Variants in RNF41 observed in about 807,000 individuals in gnomAD.
RNF41 encodes E3 ubiquitin-protein ligase NRDP1.
A neutral mutation model predicts 33.0 loss-of-function variants in RNF41; 4 were observed. The ratio of observed to expected loss-of-function variants is 0.12; its 90% CI spans 0.06 to 0.28. RNF41 has a LOEUF of 0.28. Among genes scored for constraint, RNF41 ranks in the 10% least tolerant of loss-of-function variants. The pLI is 1.00. For missense variants in RNF41, 228 were observed against 432.6 expected (o/e 0.53, Z 4.19); for synonymous variants, 164 against 153.2 (o/e 1.07, Z -0.52).
chr12:56,217,353 C>T (rs548482269), intron 1 of RNF41, among the ~76,000 whole-genome samples: 2 of 152,170 alleles, frequency 1.3e-5, no homozygotes, highest in South Asian at 4.1e-4. Context: ...CGGAGATGAG[C>T]CTGGCCAACA....
Position 56,216,552 on chromosome 12 carries a change from T to C in RNF41, c.-147A>G, listed in dbSNP as rs1267211598. Reference sequence around the variant, plus strand: ...TGTTGGCTATTCTCCGACTGAGTATTCCTTCCCAGTGACAAGCTCCATCGC... The same window carrying C: ...TGTTGGCTATTCTCCGACTGAGTATCCCTTCCCAGTGACAAGCTCCATCGC... On this transcript the variant is annotated 5_prime_UTR_variant, in exon 2 of 7. Transcript: ENST00000345093. 2.0e-5 allele frequency: 3 copies of C among 152,254 alleles called. No homozygotes were observed. Among genetic ancestry groups the C allele is most frequent in the Non-Finnish European group, 4.4e-5 (3 of 68,072 alleles). 9.4% of individuals were successfully genotyped at this position (152,254 alleles called of 1,614,324 possible).
At chr12:56,215,717 CAAAA>C (rs58103466) in intron 2 of RNF41, among the ~76,000 whole-genome samples, 2 of 74,524 alleles carry the variant, frequency 2.7e-5, no homozygotes, top group Admixed American at 1.4e-4. Flanking sequence ...GACTCTGTCT[CAAAA>C]AAAAAAAAAA....
chr12:56,214,071 C>T lies in RNF41; in HGVS notation c.-23-1G>A, dbSNP rs778065480. Reference sequence around the variant, plus strand: ...ATGTCTCATCACTGAAACCCAGGTCCTGAAAGGACAACAGGAAAAAGAGGC... The same window carrying T: ...ATGTCTCATCACTGAAACCCAGGTCTTGAAAGGACAACAGGAAAAAGAGGC... On this transcript the variant is annotated splice_acceptor_variant, in intron 2 of 6. Transcript: ENST00000345093. LOFTEE classifies it low-confidence loss of function (5UTR_SPLICE). 2 of 1,548,762 alleles carry T rather than the reference C, an allele frequency of 1.3e-6. No homozygotes were observed. The highest frequency in any genetic ancestry group is 1.1e-5 in the South Asian group (1 of 89,744).
At position 56,202,286 on chromosome 12, in the gene RNF41, A is replaced by C. The variant is rs1308838372; in HGVS notation, c.*4161T>G. 6.6e-6 allele frequency: 1 copy of C among 152,116 alleles called. No homozygotes were observed. Among genetic ancestry groups the C allele is most frequent in the African/African-American group, 2.4e-5 (1 of 41,416 alleles). The allele number at this position is 152,116 out of a possible 1,614,324, so 9.4% of individuals were successfully genotyped here. Reference sequence around the variant, plus strand: ...GAAGCTGAAGTGGGAAGACCACTAGAGCCCAGGAGTTTGAGGCTACAGTGA... The same window carrying C: ...GAAGCTGAAGTGGGAAGACCACTAGCGCCCAGGAGTTTGAGGCTACAGTGA... On this transcript the variant is annotated 3_prime_UTR_variant, in exon 7 of 7. Coordinates refer to ENST00000345093, the MANE Select transcript of RNF41 (RefSeq NM_005785.4).
chr12:56,219,670 T>TACAC, intron 1 of RNF41, among the ~76,000 whole-genome samples: 1 of 151,020 alleles, frequency 6.6e-6, no homozygotes, highest in Non-Finnish European at 1.5e-5. Context: ...TATGTGTATA[T>TACAC]ACACGCGCGC....
Position 56,219,606 on chromosome 12 carries a change from G to A in RNF41, c.-209+2154C>T, listed in dbSNP as rs534995394. On this transcript the variant is annotated intron_variant, in intron 1 of 6. Coordinates refer to ENST00000345093, the MANE Select transcript of RNF41 (RefSeq NM_005785.4). ...CTCCCAAAGTGCTGGGATTACAGGC[G>A]TGAGCCACTGCGCCCGGCGTAATAT... Among the ~76,000 whole-genome samples, 9 of 151,968 alleles carry A rather than the reference G, an allele frequency of 5.9e-5. No homozygotes were observed. In the East Asian group the frequency reaches 1.6e-3, roughly 26 times the overall value.
chr12:56,215,403 G>C (rs1017392387), intron 2 of RNF41, among the ~76,000 whole-genome samples: 3 of 152,044 alleles, frequency 2.0e-5, no homozygotes, highest in Non-Finnish European at 4.4e-5. Context: ...CTGAACTTAG[G>C]TGGTGGTGGT....
Position 56,202,203 on chromosome 12 carries a change from T to G in RNF41, c.*4244A>C, listed in dbSNP as rs868822559. The G allele has an allele frequency of 3.2e-5, 4 of 123,588 alleles. No individual in the cohort carries two copies. The highest frequency in any genetic ancestry group is 1.1e-4 in the African/African-American group (4 of 35,020). The allele number at this position is 123,588 out of a possible 1,614,324, so 7.7% of individuals were successfully genotyped here. The stretch of plus-strand genomic sequence containing the variant: ...CTGAAAGAGATGAAACAAAAAAAAT[T>G]TTACTAGTATTAAAACAGATTAAGA... On this transcript the variant is annotated 3_prime_UTR_variant, in exon 7 of 7. Coordinates refer to ENST00000345093, the MANE Select transcript of RNF41 (RefSeq NM_005785.4).
At chr12:56,213,933 C>T in intron 3 of RNF41, 25 bp downstream of exon 3, 1 of 1,524,344 alleles carries the variant, frequency 6.6e-7, no homozygotes, top group Non-Finnish European at 9.1e-7. Context: ...GTTGCCCCAC[C>T]AAACCTGCCA....
Position 56,202,201 on chromosome 12 carries a change from A to T in RNF41, c.*4246T>A, listed in dbSNP as rs1325167581. ...CACTGAAAGAGATGAAACAAAAAAA[A>T]TTTTACTAGTATTAAAACAGATTAA... On this transcript the variant is annotated 3_prime_UTR_variant, in exon 7 of 7. Transcript: ENST00000345093. 3 of 151,488 alleles carry T rather than the reference A, an allele frequency of 2.0e-5. No homozygotes were observed. The highest frequency in any genetic ancestry group is 4.4e-5 in the Non-Finnish European group (3 of 67,902). 9.4% of individuals were successfully genotyped at this position (151,488 alleles called of 1,614,324 possible).
rs527295698 is a variant in RNF41 at position 56,206,110 on chromosome 12, C to T, written c.*337G>A. ...GACGATTAGAGATTCCTTCCTCTGT[C>T]CTGATCCTCCAGGGAAATTGAATCT... On this transcript the variant is annotated 3_prime_UTR_variant, in exon 7 of 7. Transcript: ENST00000345093. The surrounding 1 kb of genome is among the most constrained non-coding windows in gnomAD (Gnocchi z 5.7). 1.1e-5 allele frequency: 3 copies of T among 267,840 alleles called. No homozygotes were observed. The South Asian group carries it at 1.7e-4, about 15-fold the overall frequency. 16.6% of individuals were successfully genotyped at this position (267,840 alleles called of 1,614,324 possible). A position where few individuals can be genotyped will look rare whatever the true frequency, so the allele number is the denominator to read the frequency against.
At chr12:56,217,869 C>CA (rs1269762103) in intron 1 of RNF41, among the ~76,000 whole-genome samples, 7 of 152,162 alleles carry the variant, frequency 4.6e-5, no homozygotes, top group African/African-American at 1.7e-4. Flanking sequence ...ACAAAACCAT[C>CA]CCCTCGCCCA....
intron 1 of RNF41, among the ~76,000 whole-genome samples, chr12:56,217,127 A>G (rs1565945796): frequency 6.6e-6 from 1 of 151,240 alleles, no homozygotes; most frequent in African/African-American, 2.4e-5. Context: ...GCGACACAGC[A>G]AGACTCCGTC....
intron 3 of RNF41, chr12:56,213,001 A>C: frequency 7.8e-7 from 1 of 1,289,782 alleles, no homozygotes; most frequent in Non-Finnish European, 1.0e-6. Context: ...CTTGCCTGGT[A>C]ATCGTGAGCT....
chr12:56,214,768 G>T (rs1201246142), intron 2 of RNF41, among the ~76,000 whole-genome samples: 3 of 152,118 alleles, frequency 2.0e-5, no homozygotes, highest in Non-Finnish European at 4.4e-5. Flanking sequence ...GGCAGAGGCT[G>T]CAGTGAGCCG....
chr12:56,208,987 C>T (rs894851324), intron 4 of RNF41, among the ~76,000 whole-genome samples: 1 of 151,552 alleles, frequency 6.6e-6, no homozygotes. Flanking sequence ...GCCTCAGCCT[C>T]CCGAGTAGCT....
intron 1 of RNF41, among the ~76,000 whole-genome samples, chr12:56,221,013 C>T (rs890242204): frequency 2.0e-5 from 3 of 152,176 alleles, no homozygotes; most frequent in Non-Finnish European, 2.9e-5. Context: ...TCCCCAAGAA[C>T]AGTGGCCTCA....
chr12:56,218,527 G>A (rs7397453), intron 1 of RNF41, among the ~76,000 whole-genome samples: 142,710 of 151,626 alleles, frequency 0.94, 67,721 homozygotes, highest in East Asian at 1. Flanking sequence ...TCAGCCTCCC[G>A]AAGTGCTGGG....
In RNF41 at chr12:56,210,374, C is replaced by T. The variant is rs147589376; in HGVS notation, c.285G>A (p.Arg95=). The change falls in exon 4 of 7, where the codon CGG becomes CGA. Residue 95 remains arginine, a synonymous_variant. Coordinates refer to ENST00000345093, the MANE Select transcript of RNF41 (RefSeq NM_005785.4). ...TGAGGTGAGACATGAGGTTGTCAAG[C>T]CGGACAACGGCACTACAGCCGAACA... ...NAVFGCSAVV[R]LDNLMSHLSD... 1.9e-6 allele frequency: 3 copies of T among 1,614,180 alleles called. No individual in the cohort carries two copies. The highest frequency in any genetic ancestry group is 2.2e-5 in the East Asian group (1 of 44,882).
Sources: gnomAD v4.1 joint callset for allele counts (sites outside exome capture counted in the v4.1 genomes callset) on GRCh38, gnomAD v4.1.1 for gene constraint, Gnocchi (gnomAD v3.1) non-coding constraint, MANE v1.5 for transcripts, NCBI Gene and HGNC (gene_info 2026-07-23, HGNC 2026-07-21) for gene names.